The following UPK1B variants were observed in gnomAD, a reference collection of about 807,000 sequenced individuals.
UPK1B encodes uroplakin 1B.
In UPK1B, 28 loss-of-function variants were observed where a neutral mutation model predicts 34.2. The observed-to-expected ratio is 0.82, with a 90% CI of 0.61 to 1.12. The LOEUF (loss-of-function observed/expected upper bound fraction) is 1.12. Ranked by LOEUF, UPK1B falls within the 50% of genes most tolerant of loss-of-function variation. UPK1B has a pLI of 0.00. For missense variants in UPK1B, 325 were observed against 320.9 expected, an observed-to-expected ratio of 1.01 and a Z score of -0.10; for synonymous variants, 81 against 110.4, an observed-to-expected ratio of 0.73 and a Z score of 1.67.
At chr3:119,194,168 G>GC (rs761970969) in intron 5 of UPK1B, 51 bp from the exon 6 acceptor site, 4 of 1,556,826 alleles carry the variant, frequency 2.6e-6, no homozygotes, top group Non-Finnish European at 2.6e-6. Context: ...TACATTGATG[G>GC]CTCTAGTAGG....
In UPK1B at chr3:119,199,284, G is replaced by T. The variant is rs73854428; in HGVS notation, c.732+144G>T. ...GGCTAGTCAGGAAACTTCTGGCACC[G>T]GAAGAAGGACAGTGGGTTCTCTTGA... is the stretch of plus-strand genomic sequence containing the variant. On this transcript the variant is annotated intron_variant, in intron 7 of 7. Transcript: ENST00000264234. 6.8e-5 allele frequency: 60 copies of T among 882,124 alleles called. No homozygotes were observed. In the Admixed American group the frequency reaches 1.5e-3, roughly 22 times the overall value. 54.6% of individuals were successfully genotyped at this position (882,124 alleles called of 1,614,324 possible).
At chr3:119,198,190 A>C (rs371118953) in intron 6 of UPK1B, among the ~76,000 whole-genome samples, 14 of 152,000 alleles carry the variant, frequency 9.2e-5, no homozygotes, top group African/African-American at 3.4e-4. Context: ...GGGTCTTGCA[A>C]GTAAGGGGCC....
chr3:119,196,915 C>T (rs898575151), intron 6 of UPK1B, among the ~76,000 whole-genome samples: 4 of 152,082 alleles, frequency 2.6e-5, no homozygotes, highest in Admixed American at 2.6e-4. Context: ...GCAATCACAG[C>T]TTATTGCAGC....
Position 119,190,894 on chromosome 3 carries a change from C to T in UPK1B, c.346-88C>T, listed in dbSNP as rs1393295645. 1.9e-6 allele frequency: 3 copies of T among 1,553,074 alleles called. No homozygotes were observed. In the African/African-American group the frequency reaches 4.1e-5, roughly 21 times the overall value. ...TGCTCCAGGAGAGAATGTTCAGTGTCCCCAGGAAAAGACAGAGAAAAATAT... is the reference window on the plus strand; with the variant it reads ...TGCTCCAGGAGAGAATGTTCAGTGTTCCCAGGAAAAGACAGAGAAAAATAT... On this transcript the variant is annotated intron_variant, in intron 4 of 7. Coordinates refer to ENST00000264234, the MANE Select transcript of UPK1B (RefSeq NM_006952.4).
chr3:119,187,297 T>C (rs2078023760), intron 2 of UPK1B, among the ~76,000 whole-genome samples: 1 of 152,112 alleles, frequency 6.6e-6, no homozygotes, highest in Admixed American at 6.6e-5. Flanking sequence ...TTGGCCCAGC[T>C]CTCCCTCTGA....
In UPK1B at chr3:119,183,558, G is replaced by A. The variant is rs576219578; in HGVS notation, c.-28-3156G>A. Reference sequence around the variant, plus strand: ...ATTACAGGCGTGAACCACCATGCCCGGCCCCTTTTCTTTATACAAACAATG... The same window carrying A: ...ATTACAGGCGTGAACCACCATGCCCAGCCCCTTTTCTTTATACAAACAATG... On this transcript the variant is annotated intron_variant, in intron 1 of 7. Coordinates refer to ENST00000264234, the MANE Select transcript of UPK1B (RefSeq NM_006952.4). Among the ~76,000 whole-genome samples, 29 of 152,090 alleles carry A rather than the reference G, an allele frequency of 1.9e-4. No individual in the cohort carries two copies. The East Asian group carries it at 5.2e-3, about 27-fold the overall frequency.
rs1559900078 is a variant in UPK1B at position 119,179,399 on chromosome 3, T to TATATATATATA, written c.-29+5762_-29+5763insTATATATATAA. 8.6e-3 allele frequency among the ~76,000 whole-genome samples: 467 copies of TATATATATATA among 54,220 alleles called. 85 individuals are homozygous for TATATATATATA. The highest frequency in any genetic ancestry group is 0.012 in the Non-Finnish European group (330 of 28,160). 35.6% of individuals were successfully genotyped at this position (54,220 alleles called of 152,430 possible). ...TATATATATATATATATATATATATTAATTCTAAGGAATTAACCTATGTGA... is the reference window on the plus strand; with the variant it reads ...TATATATATATATATATATATATATTATATATATATAAATTCTAAGGAATTAACCTATGTGA... On this transcript the variant is annotated intron_variant, in intron 1 of 7. Coordinates refer to ENST00000264234, the MANE Select transcript of UPK1B (RefSeq NM_006952.4).
In UPK1B at chr3:119,199,083, A is replaced by G. The variant is rs1423975006; in HGVS notation, c.675A>G (p.Pro225=). ...GCTGCTATGAACTGATCTCTGGTCC[A>G]ATGAACCGACACGCCTGGGGGGTTG... ...NQGCYELISG[P]MNRHAWGVAW... is the part of the protein sequence containing the mutation. The change falls in exon 7 of 8, where the codon CCA becomes CCG. Residue 225 remains proline (P), a synonymous_variant. Coordinates refer to ENST00000264234, the MANE Select transcript of UPK1B (RefSeq NM_006952.4). 1.5e-5 allele frequency: 24 copies of G among 1,614,064 alleles called. No homozygotes were observed. The highest frequency in any genetic ancestry group is 2.7e-5 in the African/African-American group (2 of 74,918).
rs567403225 is a variant in UPK1B at position 119,179,449 on chromosome 3, C to T, written c.-29+5811C>T. The stretch of plus-strand genomic sequence containing the variant: ...ATGTGATTGTGGGGGCTGACAAGTC[C>T]GAAATCTATACAGCAGGTGGGCAAC... On this transcript the variant is annotated intron_variant, in intron 1 of 7. Transcript: ENST00000264234. Among the ~76,000 whole-genome samples, 8 of 129,310 alleles carry T rather than the reference C, an allele frequency of 6.2e-5. 1 individual carries two copies. The highest frequency in any genetic ancestry group is 4.5e-4 in the East Asian group (2 of 4,472). 84.8% of individuals were successfully genotyped at this position (129,310 alleles called of 152,430 possible).
At chr3:119,175,153 G>A (rs770804750) in intron 1 of UPK1B, among the ~76,000 whole-genome samples, 55 of 149,560 alleles carry the variant, frequency 3.7e-4, no homozygotes, top group Non-Finnish European at 6.7e-4. Context: ...TCAGCCTCCC[G>A]AGTAGCTGGG....
At chr3:119,202,456 G>C (rs1019278348) in intron 7 of UPK1B, among the ~76,000 whole-genome samples, 2 of 152,202 alleles carry the variant, frequency 1.3e-5, no homozygotes, top group African/African-American at 4.8e-5. Flanking sequence ...TTAGAATAGT[G>C]AGTGATGCAT....
intron 6 of UPK1B, 36 bp downstream of exon 6, chr3:119,194,434 T>A: frequency 6.4e-7 from 1 of 1,567,852 alleles, no homozygotes; most frequent in Non-Finnish European, 8.6e-7. Flanking sequence ...TCCCAGGAGG[T>A]TCTGCTGCTC....
intron 4 of UPK1B, among the ~76,000 whole-genome samples, chr3:119,190,579 C>T (rs1243417020): frequency 1.3e-5 from 2 of 152,160 alleles, no homozygotes; most frequent in Non-Finnish European, 2.9e-5. Flanking sequence ...AATTCTGAAC[C>T]CAGATGGCCT....
intron 1 of UPK1B, among the ~76,000 whole-genome samples, chr3:119,175,496 G>T (rs2107569460): frequency 6.6e-6 from 1 of 152,128 alleles, no homozygotes; most frequent in South Asian, 2.1e-4. Flanking sequence ...TGGTGAGGGG[G>T]CACCATCATC....
At chr3:119,179,676 AC>A (rs2077979427) in intron 1 of UPK1B, among the ~76,000 whole-genome samples, 1 of 147,516 alleles carries the variant, frequency 6.8e-6, no homozygotes, top group Non-Finnish European at 1.5e-5. Flanking sequence ...CGCCCGGCTA[AC>A]TTTGTATTTT....
Position 119,199,130 on chromosome 3 carries a change from T to G in UPK1B, c.722T>G (p.Leu241Arg). ...WGVAWFGFAI[L>R]CWTFWVLLGT... ...GTTGCCTGGTTTGGATTTGCCATTC[T>G]CTGCTGGACTGTGAGTATTTCCCAG... The change falls in exon 7 of 8, where the codon CTC becomes CGC. Residue 241 changes from leucine to arginine, a missense_variant. Leu to Arg is a moderately radical substitution (Grantham distance 102, BLOSUM62 -2). Coordinates refer to ENST00000264234, the MANE Select transcript of UPK1B (RefSeq NM_006952.4). 1 of 1,614,196 alleles carries G rather than the reference T, an allele frequency of 6.2e-7. No homozygotes were observed. The highest frequency in any genetic ancestry group is 8.5e-7 in the Non-Finnish European group (1 of 1,180,012).
chr3:119,193,802 T>C (rs2078053827), intron 5 of UPK1B, among the ~76,000 whole-genome samples: 1 of 152,234 alleles, frequency 6.6e-6, no homozygotes, highest in Non-Finnish European at 1.5e-5. Context: ...TATATCAATA[T>C]ATTAGTACAG....
rs775366877 is a variant in UPK1B at position 119,201,345 on chromosome 3, T to C, written c.732+2205T>C. 5.3e-5 allele frequency among the ~76,000 whole-genome samples: 8 copies of C among 152,190 alleles called. No individual in the cohort carries two copies. The South Asian group carries it at 6.2e-4, about 12-fold the overall frequency. On this transcript the variant is annotated intron_variant, in intron 7 of 7. Coordinates refer to ENST00000264234, the MANE Select transcript of UPK1B (RefSeq NM_006952.4). ...AATTTATAAAGCAAAAGAGGTTTAA[T>C]AGACTTACAGTTCCACATGGCTGGG... is the stretch of plus-strand genomic sequence containing the variant.
chr3:119,192,496 A>G lies in UPK1B; in HGVS notation c.468+1392A>G, dbSNP rs77413710. 7.0e-3 allele frequency among the ~76,000 whole-genome samples: 1,066 copies of G among 152,288 alleles called. 9 individuals are homozygous for G. The highest frequency in any genetic ancestry group is 0.025 in the African/African-American group (1,035 of 41,558). On this transcript the variant is annotated intron_variant, in intron 5 of 7. Coordinates refer to ENST00000264234, the MANE Select transcript of UPK1B (RefSeq NM_006952.4). ...AAATGGGCACACAATATTTCCTAGT[A>G]TATTTTCCCAGAAAATTCACTTGTC... is the stretch of plus-strand genomic sequence containing the variant.
Sources: allele counts gnomAD v4.1 joint callset (sites outside exome capture counted in the v4.1 genomes callset), GRCh38; gene constraint gnomAD v4.1.1; transcripts MANE v1.5; gene names NCBI Gene and HGNC (gene_info 2026-07-23, HGNC 2026-07-21).